DCDC1: variants seen among roughly 807,000 people sequenced by gnomAD.
The protein encoded by DCDC1 is doublecortin domain-containing protein 1.
Under a neutral mutation model 178.3 loss-of-function variants are expected in DCDC1, and 200 were observed. The ratio of observed to expected loss-of-function variants is 1.12; its 90% CI spans 1.00 to 1.26. DCDC1 has a LOEUF of 1.26. Ranked by LOEUF, DCDC1 falls within the 50% of genes most tolerant of loss-of-function variation. DCDC1 has a pLI of 0.00. For synonymous variants in DCDC1, 690 were observed against 604.8 expected, an observed-to-expected ratio of 1.14 and a Z score of -2.07; for missense variants, 1,983 against 1,749.2, an observed-to-expected ratio of 1.13 and a Z score of -2.38.
intron 38 of DCDC1, among the ~76,000 whole-genome samples, chr11:30,875,388 A>C (rs769592834): frequency 6.6e-6 from 1 of 152,204 alleles, no homozygotes; most frequent in Non-Finnish European, 1.5e-5. Flanking sequence ...GGTTCAATAG[A>C]AACAACTGAG....
chr11:30,970,510 C>A (rs1432922587), intron 20 of DCDC1, among the ~76,000 whole-genome samples: 2 of 152,184 alleles, frequency 1.3e-5, no homozygotes, highest in African/African-American at 4.8e-5. Context: ...TTTTCAAGCA[C>A]CCCAAGGACA....
At chr11:30,888,966 T>C (rs1943547878) in intron 36 of DCDC1, among the ~76,000 whole-genome samples, 1 of 152,186 alleles carries the variant, frequency 6.6e-6, no homozygotes, top group Non-Finnish European at 1.5e-5. Context: ...ATGGAACTAT[T>C]GCACACTCCC....
intron 9 of DCDC1, among the ~76,000 whole-genome samples, chr11:31,153,993 G>A (rs1255000372): frequency 6.6e-6 from 1 of 152,144 alleles, no homozygotes; most frequent in South Asian, 2.1e-4. Flanking sequence ...TGTTGGGGGA[G>A]GGACCTGGTG....
intron 12 of DCDC1, among the ~76,000 whole-genome samples, chr11:31,109,403 G>A (rs1959056941): frequency 6.6e-6 from 1 of 152,128 alleles, no homozygotes; most frequent in Non-Finnish European, 1.5e-5. Flanking sequence ...GTGTCATGGT[G>A]ATTTGTGTAA....
At chr11:30,882,929 C>T (rs748737436) in intron 36 of DCDC1, 6 of 152,100 alleles carry the variant, frequency 3.9e-5, no homozygotes, top group Middle Eastern at 3.4e-3. Flanking sequence ...CACACAGAAA[C>T]GAGACAACCA....
Position 31,241,533 on chromosome 11 carries a change from G to A in DCDC1, c.1138C>T (p.Pro380Ser), listed in dbSNP as rs773847635. Residue 380 changes from proline (P) to serine (S), a missense_variant, in exon 9 of 39, where the codon CCC (proline) becomes TCC (serine). Pro to Ser is a moderately conservative substitution (Grantham distance 74). Transcript: ENST00000684477. ...LWVSKGEGFS[P>S]SGAKMYIQGV... ...TGGATGTACATCTTAGCTCCTGAGG[G>A]GCTGAAACCTTCTCCCTTAGAGACC... The A allele has an allele frequency of 5.0e-6, 2 of 397,412 alleles. No individual in the cohort carries two copies. Among genetic ancestry groups the A allele is most frequent in the Admixed American group, 8.9e-5 (2 of 22,584 alleles). The allele number at this position is 397,412 out of a possible 1,614,324, so 24.6% of individuals were successfully genotyped here. A position where few individuals can be genotyped will look rare whatever the true frequency, so the allele number is the denominator to read the frequency against.
At chr11:31,209,114 T>C (rs1972202636) in intron 9 of DCDC1, among the ~76,000 whole-genome samples, 1 of 152,186 alleles carries the variant, frequency 6.6e-6, no homozygotes, top group African/African-American at 2.4e-5. Context: ...ACATGATGTT[T>C]AACGGATACT....
chr11:30,952,604 CAAGGT>C, intron 20 of DCDC1, 36 bp from the exon 21 acceptor site: 1 of 915,828 alleles, frequency 1.1e-6, no homozygotes, highest in Non-Finnish European at 1.7e-6. Flanking sequence ...AGAAATTTAG[CAAGGT>C]TAAATATCAC....
At position 31,127,582 on chromosome 11, in the gene DCDC1, A is replaced by G. The variant is rs371608255; in HGVS notation, c.1372T>C (p.Cys458Arg). The change falls in exon 11 of 39, where the codon TGT becomes CGT. Residue 458 changes from cysteine to arginine, a missense_variant. Cys to Arg is a radical substitution (Grantham distance 180). Coordinates refer to ENST00000684477, the MANE Select transcript of DCDC1 (RefSeq NM_001387274.1). ...GCCTGTAATTGGGGGCCAAGTTTAC[A>G]GAGATGACCTATGTTACTTTTGATA... Reference protein sequence around the residue: ...TAIKSNIGHLCKLGPQLQAEQ... With the variant: ...TAIKSNIGHLRKLGPQLQAEQ... 2.8e-6 allele frequency: 2 copies of G among 702,744 alleles called. No individual in the cohort carries two copies. The allele number at this position is 702,744 out of a possible 1,614,324, so 43.5% of individuals were successfully genotyped here. A position where few individuals can be genotyped will look rare whatever the true frequency, so the allele number is the denominator to read the frequency against.
At chr11:31,162,265 C>T (rs1283433457) in intron 9 of DCDC1, among the ~76,000 whole-genome samples, 1 of 152,044 alleles carries the variant, frequency 6.6e-6, no homozygotes, top group Middle Eastern at 3.2e-3. Context: ...TAAATTCTAG[C>T]ATTTAAAATT....
At chr11:31,151,123 G>T (rs1965127593) in intron 9 of DCDC1, among the ~76,000 whole-genome samples, 1 of 152,148 alleles carries the variant, frequency 6.6e-6, no homozygotes, top group Non-Finnish European at 1.5e-5. Context: ...TTGTGTAAAT[G>T]ATGCTTAAAG....
intron 20 of DCDC1, among the ~76,000 whole-genome samples, chr11:30,953,655 G>A (rs1458370176): frequency 1.3e-5 from 2 of 152,116 alleles, no homozygotes; most frequent in Non-Finnish European, 2.9e-5. Context: ...ATGGTCCAAA[G>A]AAGTGTTTTT....
At chr11:31,096,357 C>T (rs949339334) in intron 15 of DCDC1, among the ~76,000 whole-genome samples, 5 of 152,146 alleles carry the variant, frequency 3.3e-5, no homozygotes, top group Non-Finnish European at 7.4e-5. Flanking sequence ...ACTCAACCTC[C>T]TAACTCCAAG....
At chr11:30,943,525 T>TA (rs948204932) in intron 21 of DCDC1, 2 of 372,900 alleles carry the variant, frequency 5.4e-6, no homozygotes, top group Non-Finnish European at 1.1e-5. Flanking sequence ...TACATCTTTT[T>TA]AATCTTACTT....
chr11:31,273,322 T>C (rs747688718), intron 7 of DCDC1, among the ~76,000 whole-genome samples: 14 of 152,204 alleles, frequency 9.2e-5, no homozygotes, highest in Non-Finnish European at 1.9e-4. Context: ...CTGAATGCCT[T>C]TAACGGTACC....
chr11:30,878,618 G>C lies in DCDC1; in HGVS notation c.5327C>G (p.Thr1776Arg). The C allele has an allele frequency of 6.2e-7, 1 of 1,609,760 alleles. No individual in the cohort carries two copies. Residue 1776 changes from threonine (T) to arginine (R), a missense_variant, in exon 38 of 39, where the codon ACG becomes AGG. Coordinates refer to ENST00000684477, the MANE Select transcript of DCDC1 (RefSeq NM_001387274.1). ...GAGATGTGCCAGAGACAGCAGCTTC[G>C]TGGATGGTGACACCACAATGTCTGT... ...QATDIVVSPSTKLLSLAHLHN is the reference protein window; with the variant it reads ...QATDIVVSPSRKLLSLAHLHN
At chr11:30,929,981 A>C (rs1946830687) in intron 22 of DCDC1, among the ~76,000 whole-genome samples, 1 of 152,124 alleles carries the variant, frequency 6.6e-6, no homozygotes, top group Admixed American at 6.6e-5. Context: ...TACCTCCAGT[A>C]AATTATTAAA....
chr11:31,193,361 T>G (rs1970341901), intron 9 of DCDC1, among the ~76,000 whole-genome samples: 1 of 152,046 alleles, frequency 6.6e-6, no homozygotes, highest in African/African-American at 2.4e-5. Context: ...AAATCTAAAA[T>G]GCTCCTAAGT....
intron 7 of DCDC1, among the ~76,000 whole-genome samples, chr11:31,288,401 T>C (rs1405531004): frequency 6.6e-6 from 1 of 151,958 alleles, no homozygotes; most frequent in Non-Finnish European, 1.5e-5. Context: ...TTCCAGAGTT[T>C]AGTAAAGGAA....
Sources: allele counts gnomAD v4.1 joint callset (sites outside exome capture counted in the v4.1 genomes callset), GRCh38; gene constraint gnomAD v4.1.1; transcripts MANE v1.5; gene names NCBI Gene and HGNC (gene_info 2026-07-23, HGNC 2026-07-21).